SRGAP2B: variants seen among roughly 807,000 people sequenced by gnomAD.
The protein encoded by SRGAP2B is SLIT-ROBO Rho GTPase activating protein 2B.
SRGAP2B carries 9 observed loss-of-function variants against 22.2 expected under a neutral mutation model. That is an observed-to-expected ratio of 0.41 (90% CI 0.24 to 0.71). SRGAP2B has a LOEUF of 0.71. SRGAP2B is among the 30% of genes least tolerant of loss of function. The pLI, the probability that SRGAP2B is intolerant of heterozygous loss-of-function variation, is 0.35. For synonymous variants in SRGAP2B, 36 were observed against 87.4 expected, an observed-to-expected ratio of 0.41 and a Z score of 3.28; for missense variants, 114 against 235.8, an observed-to-expected ratio of 0.48 and a Z score of 3.38.
chr1:144,990,919 T>C (rs587709010), intron 3 of SRGAP2B, among the ~76,000 whole-genome samples: 1 of 151,128 alleles, frequency 6.6e-6, no homozygotes, highest in Non-Finnish European at 1.5e-5. Flanking sequence ...GCCCGCCATG[T>C]CTGAGCCTCC....
At chr1:144,976,414 C>T (rs1461393627) in intron 3 of SRGAP2B, among the ~76,000 whole-genome samples, 1 of 138,708 alleles carries the variant, frequency 7.2e-6, no homozygotes, top group Non-Finnish European at 1.5e-5. Flanking sequence ...TATAGAAGTA[C>T]ATGGGTGTGT....
intron 3 of SRGAP2B, among the ~76,000 whole-genome samples, chr1:144,984,604 G>C (rs1370461965): frequency 2.7e-5 from 4 of 149,508 alleles, no homozygotes; most frequent in Non-Finnish European, 5.9e-5. Context: ...GCATGTGTCT[G>C]GCACATGGTA....
At chr1:144,999,211 G>A (rs1244513890) in intron 2 of SRGAP2B, among the ~76,000 whole-genome samples, 11 of 150,736 alleles carry the variant, frequency 7.3e-5, no homozygotes, top group Non-Finnish European at 1.2e-4. Flanking sequence ...TATGGAGATG[G>A]TGGGGTCCTT....
At chr1:144,993,059 C>T (rs1184681774) in intron 3 of SRGAP2B, among the ~76,000 whole-genome samples, 1 of 151,264 alleles carries the variant, frequency 6.6e-6, no homozygotes, top group Admixed American at 6.6e-5. Context: ...AAGACATGGG[C>T]ATGACTTAGA....
intron 7 of SRGAP2B, among the ~76,000 whole-genome samples, chr1:144,902,826 T>A (rs1662736548): frequency 8.8e-6 from 1 of 113,616 alleles, no homozygotes; most frequent in Non-Finnish European, 1.8e-5. Context: ...TTGATCCCAG[T>A]GATCTAGACC....
At chr1:144,924,721 A>G (rs1227874799) in intron 4 of SRGAP2B, among the ~76,000 whole-genome samples, 7 of 143,730 alleles carry the variant, frequency 4.9e-5, no homozygotes, top group Non-Finnish European at 9.0e-5. Flanking sequence ...GACAGAGCGA[A>G]ACTCCGTCTC....
At chr1:144,997,632 C>A (rs1296226269) in intron 2 of SRGAP2B, among the ~76,000 whole-genome samples, 6 of 149,494 alleles carry the variant, frequency 4.0e-5, no homozygotes, top group Non-Finnish European at 8.9e-5. Flanking sequence ...TTGGATGACA[C>A]CCACCCTCTG....
intron 3 of SRGAP2B, among the ~76,000 whole-genome samples, chr1:144,985,160 A>G (rs1410363351): frequency 7.8e-6 from 1 of 127,872 alleles, no homozygotes; most frequent in African/African-American, 3.2e-5. Context: ...TTGTATTTGA[A>G]TTTAATTTCT....
In SRGAP2B at chr1:144,994,544, G is replaced by A. The variant is rs1374824030; in HGVS notation, c.260+464C>T. 5.1e-4 allele frequency among the ~76,000 whole-genome samples: 19 copies of A among 37,072 alleles called. 1 individual carries two copies. Among genetic ancestry groups the A allele is most frequent in the Non-Finnish European group, 9.3e-4 (18 of 19,300 alleles). 24.3% of individuals were successfully genotyped at this position (37,072 alleles called of 152,430 possible). ...GCTCTACTATTTACTAGGGGTGTGTGAGTGTGAGTGTGTGTGTGTGTGTGA... is the reference window on the plus strand; with the variant it reads ...GCTCTACTATTTACTAGGGGTGTGTAAGTGTGAGTGTGTGTGTGTGTGTGA... On this transcript the variant is annotated intron_variant, in intron 3 of 9. Coordinates refer to ENST00000612199, the Ensembl canonical transcript of SRGAP2B.
intron 3 of SRGAP2B, among the ~76,000 whole-genome samples, chr1:144,984,373 A>AAAC (rs1553615567): frequency 1.1e-4 from 16 of 148,760 alleles, no homozygotes; most frequent in East Asian, 7.8e-4. Context: ...AACAAAAAAA[A>AAAC]AAAAACAAAA....
At chr1:144,913,899 A>G (rs1553603286) in intron 5 of SRGAP2B, among the ~76,000 whole-genome samples, 2 of 148,766 alleles carry the variant, frequency 1.3e-5, no homozygotes, top group South Asian at 2.1e-4. Context: ...GGGCCCCTGA[A>G]AGGCATTAGC....
intron 2 of SRGAP2B, among the ~76,000 whole-genome samples, chr1:145,006,034 C>T (rs1363558235): frequency 2.7e-5 from 4 of 150,860 alleles, no homozygotes; most frequent in Admixed American, 2.0e-4. Flanking sequence ...ATTGCAATGG[C>T]TGTTCCTGGG....
chr1:144,989,007 T>A, intron 3 of SRGAP2B, among the ~76,000 whole-genome samples: 1 of 137,308 alleles, frequency 7.3e-6, no homozygotes, highest in Middle Eastern at 3.3e-3. Flanking sequence ...CACTTTTTTT[T>A]TTTTTTTTTT....
chr1:144,976,239 ATG>A (rs1668896378), intron 3 of SRGAP2B, among the ~76,000 whole-genome samples: 1 of 146,530 alleles, frequency 6.8e-6, no homozygotes, highest in Non-Finnish European at 1.5e-5. Flanking sequence ...TTAAGTGAAA[ATG>A]TGTGTTATGG....
intron 4 of SRGAP2B, among the ~76,000 whole-genome samples, chr1:144,916,103 A>G (rs1365969931): frequency 6.6e-6 from 1 of 150,460 alleles, no homozygotes; most frequent in Admixed American, 6.6e-5. Context: ...TACAAAAGTA[A>G]TGTATGTTTA....
At chr1:145,045,167 C>T in intron 2 of SRGAP2B, among the ~76,000 whole-genome samples, 1 of 127,702 alleles carries the variant, frequency 7.8e-6, no homozygotes, top group Non-Finnish European at 1.6e-5. Flanking sequence ...GCCTGTAGTC[C>T]CAGCTACTCG....
chr1:144,956,511 A>C (rs1483797206), intron 3 of SRGAP2B, among the ~76,000 whole-genome samples: 1 of 110,032 alleles, frequency 9.1e-6, no homozygotes, highest in East Asian at 2.4e-4. Flanking sequence ...ACAGTGGCAC[A>C]ATCTTGGCTC....
At chr1:144,955,772 G>GA (rs1667215298) in intron 3 of SRGAP2B, among the ~76,000 whole-genome samples, 171 bp from the exon 4 acceptor site, 1 of 140,416 alleles carries the variant, frequency 7.1e-6, no homozygotes, top group Non-Finnish European at 1.5e-5. Flanking sequence ...ACTCAGTGGA[G>GA]AAAAAAGGAG....
chr1:144,979,557 CA>C (rs1354460592), intron 3 of SRGAP2B, among the ~76,000 whole-genome samples: 3 of 143,404 alleles, frequency 2.1e-5, no homozygotes, highest in Middle Eastern at 3.2e-3. Flanking sequence ...TGTCCCCCCC[CA>C]AATCTCATGT....
Sources: gnomAD v4.1 joint callset for allele counts (sites outside exome capture counted in the v4.1 genomes callset) on GRCh38, gnomAD v4.1.1 for gene constraint, MANE v1.5 for transcripts, NCBI Gene and HGNC (gene_info 2026-07-23, HGNC 2026-07-21) for gene names.